The following IGSF21 variants were observed in gnomAD, a reference collection of about 807,000 sequenced individuals.
IGSF21 encodes the protein immunoglobin superfamily member 21, also known as immunoglobulin superfamily member 21.
Under a neutral mutation model 46.8 loss-of-function variants are expected in IGSF21, and 28 were observed. The ratio of observed to expected loss-of-function variants is 0.60; its 90% CI spans 0.44 to 0.82. IGSF21 has a LOEUF of 0.82. IGSF21 is among the 40% of genes least tolerant of loss of function. IGSF21 has a pLI of 0.00. For missense variants in IGSF21, 624 were observed against 665.5 expected (o/e 0.94, Z 0.69); for synonymous variants, 284 against 273.6 (o/e 1.04, Z -0.38).
chr1:18,208,806 C>T (rs1374017538), intron 1 of IGSF21, among the ~76,000 whole-genome samples: 4 of 152,056 alleles, frequency 2.6e-5, no homozygotes, highest in Non-Finnish European at 5.9e-5. Context: ...CAATATTTCA[C>T]ACAATGAGAT....
chr1:18,114,199 G>A (rs897145964), intron 1 of IGSF21: 7 of 152,184 alleles, frequency 4.6e-5, no homozygotes, highest in African/African-American at 1.7e-4. Flanking sequence ...GGCCCATTGA[G>A]TGCAGTGTGA....
At chr1:18,215,137 C>G (rs1373127194) in intron 1 of IGSF21, among the ~76,000 whole-genome samples, 1 of 152,212 alleles carries the variant, frequency 6.6e-6, no homozygotes, top group Non-Finnish European at 1.5e-5. Context: ...CACCTCCCAC[C>G]AGATCCCTCC....
Position 18,169,965 on chromosome 1 carries a change from G to A in IGSF21, c.71-57933G>A, listed in dbSNP as rs189482609. Among the ~76,000 whole-genome samples the A allele has an allele frequency of 3.2e-3, 484 of 152,190 alleles. 2 individuals are homozygous for A. Among genetic ancestry groups the A allele is most frequent in the African/African-American group, 0.011 (464 of 41,530 alleles). ...ACCGGGAGAAGTTCAACAGAGCAGC[G>A]GTGCCAACAAGGTATGGCAGGTGGC... is the stretch of plus-strand genomic sequence containing the variant. On this transcript the variant is annotated intron_variant, in intron 1 of 9. Coordinates refer to ENST00000251296, the MANE Select transcript of IGSF21 (RefSeq NM_032880.5).
At chr1:18,332,685 G>A (rs967890114) in intron 3 of IGSF21, among the ~76,000 whole-genome samples, 22 of 152,256 alleles carry the variant, frequency 1.4e-4, no homozygotes, top group African/African-American at 4.3e-4. Context: ...GGAGTGGAGG[G>A]GGACGGCGTC....
intron 4 of IGSF21, among the ~76,000 whole-genome samples, chr1:18,347,407 G>A (rs1397113467): frequency 2.0e-5 from 3 of 152,130 alleles, no homozygotes; most frequent in African/African-American, 4.8e-5. Flanking sequence ...AGCCCTTGAC[G>A]TTCCCACTCC....
intron 1 of IGSF21, among the ~76,000 whole-genome samples, chr1:18,183,083 A>G (rs1197098114): frequency 6.6e-6 from 1 of 152,110 alleles, no homozygotes; most frequent in African/African-American, 2.4e-5. Flanking sequence ...TCCTTTTTCT[A>G]ATAGAGTGAC....
At chr1:18,214,255 G>A (rs1007632911) in intron 1 of IGSF21, among the ~76,000 whole-genome samples, 4 of 152,160 alleles carry the variant, frequency 2.6e-5, no homozygotes, top group African/African-American at 7.2e-5. Context: ...AGCCCGGGAG[G>A]TCGGGGCAGG....
At chr1:18,370,594 G>GA (rs35826862) in intron 6 of IGSF21, among the ~76,000 whole-genome samples, 39,398 of 151,984 alleles carry the variant, frequency 0.26, 5,330 homozygotes, top group Admixed American at 0.31. Flanking sequence ...ATGATAAATT[G>GA]AATTTGGTAA....
rs932376319 is a variant in IGSF21, at chr1:18,290,140, T to C, written c.184-1726T>C. 3.9e-5 allele frequency among the ~76,000 whole-genome samples: 6 copies of C among 151,938 alleles called. No homozygotes were observed. The highest frequency in any genetic ancestry group is 7.4e-5 in the Non-Finnish European group (5 of 67,984). ...GGGTGAGCATCTTTCTTGGGGTGAG[T>C]GCCAGCAGGGATCCCAAGAGGAGAG... On this transcript the variant is annotated intron_variant, in intron 2 of 9. Transcript: ENST00000251296. This position sits in a 1 kb window ranked among gnomAD's most constrained non-coding sequence, Gnocchi z 4.2.
chr1:18,289,170 A>G (rs1004918530), intron 2 of IGSF21, among the ~76,000 whole-genome samples: 1 of 152,090 alleles, frequency 6.6e-6, no homozygotes, highest in African/African-American at 2.4e-5. Context: ...AAAAAAATGG[A>G]GTGAAATTTG....
chr1:18,325,980 C>G (rs1337972941), intron 3 of IGSF21, among the ~76,000 whole-genome samples: 1 of 152,234 alleles, frequency 6.6e-6, no homozygotes, highest in African/African-American at 2.4e-5. Context: ...CCAGCCACCT[C>G]TGCCAATTAC....
intron 1 of IGSF21, among the ~76,000 whole-genome samples, chr1:18,136,179 T>C (rs1185964255): frequency 6.6e-6 from 1 of 152,226 alleles, no homozygotes; most frequent in Non-Finnish European, 1.5e-5. Context: ...GATGAGTAGG[T>C]TGCAAAAATT....
intron 3 of IGSF21, among the ~76,000 whole-genome samples, chr1:18,326,810 G>C (rs766724806): frequency 1.3e-5 from 2 of 152,144 alleles, no homozygotes; most frequent in Non-Finnish European, 2.9e-5. Flanking sequence ...TCCCGTAGTC[G>C]ATGGAAGCTG....
chr1:18,313,112 C>T (rs992500380), intron 3 of IGSF21, among the ~76,000 whole-genome samples: 3 of 152,142 alleles, frequency 2.0e-5, no homozygotes, highest in Non-Finnish European at 2.9e-5. Flanking sequence ...GCAGACCCGC[C>T]GGGTACCGTG....
chr1:18,340,253 C>T (rs1345081416), intron 4 of IGSF21, among the ~76,000 whole-genome samples: 2 of 151,678 alleles, frequency 1.3e-5, no homozygotes, highest in African/African-American at 4.8e-5. Context: ...CTGGTCCTCA[C>T]AGACAGTGCA....
At chr1:18,281,345 A>G (rs1313959122) in intron 2 of IGSF21, among the ~76,000 whole-genome samples, 1 of 152,118 alleles carries the variant, frequency 6.6e-6, no homozygotes, top group East Asian at 1.9e-4. Context: ...CATCACCCTG[A>G]GGTCAGGAGT....
At chr1:18,261,936 G>C (rs996975665) in intron 2 of IGSF21, among the ~76,000 whole-genome samples, 1 of 152,176 alleles carries the variant, frequency 6.6e-6, no homozygotes, top group African/African-American at 2.4e-5. Flanking sequence ...TGTAGCACTG[G>C]GCAGGTGGGG....
chr1:18,148,939 A>C (rs987806958), intron 1 of IGSF21, among the ~76,000 whole-genome samples: 1 of 152,212 alleles, frequency 6.6e-6, no homozygotes, highest in Non-Finnish European at 1.5e-5. Flanking sequence ...ATACTCATTA[A>C]AAAAGCCGGA....
At chr1:18,268,227 C>T (rs2085008451) in intron 2 of IGSF21, among the ~76,000 whole-genome samples, 2 of 152,234 alleles carry the variant, frequency 1.3e-5, no homozygotes, top group Admixed American at 1.3e-4. Flanking sequence ...GAAAACAGAA[C>T]TTTGGGAAGT....
Sources: gnomAD v4.1 joint callset for allele counts (sites outside exome capture counted in the v4.1 genomes callset) on GRCh38, gnomAD v4.1.1 for gene constraint, Gnocchi (gnomAD v3.1) non-coding constraint, MANE v1.5 for transcripts, NCBI Gene and HGNC (gene_info 2026-07-23, HGNC 2026-07-21) for gene names.